The following PDE1B variants were observed in gnomAD, a reference collection of about 807,000 sequenced individuals.
The protein encoded by PDE1B is dual specificity calcium/calmodulin-dependent 3',5'-cyclic nucleotide phosphodiesterase 1B.
Under a neutral mutation model 66.7 loss-of-function variants are expected in PDE1B, and 13 were observed. The observed-to-expected ratio is 0.19, with a 90% confidence interval of 0.13 to 0.31. The LOEUF (loss-of-function observed/expected upper bound fraction) is 0.31. PDE1B is among the 10% of genes least tolerant of loss of function. The probability of loss-of-function intolerance (pLI) is 1.00; values close to 1 mark genes in which losing one functional copy is unlikely to be tolerated. For synonymous variants in PDE1B, 230 were observed against 253.9 expected, an observed-to-expected ratio of 0.91 and a Z score of 0.90; for missense variants, 485 against 682.3, an observed-to-expected ratio of 0.71 and a Z score of 3.22.
chr12:54,570,487 T>C (rs749774243), intron 6 of PDE1B, 130 bp downstream of exon 6: 1 of 682,030 alleles, frequency 1.5e-6, no homozygotes, highest in Non-Finnish European at 2.7e-6. Flanking sequence ...AGTCTCCCCA[T>C]GCCCACGCCC....
intron 6 of PDE1B, chr12:54,571,220 C>T (rs1012487892): frequency 1.3e-5 from 2 of 152,240 alleles, no homozygotes; most frequent in African/African-American, 4.8e-5. Context: ...ATTATCTGTG[C>T]ATGTAAGCCC....
rs1237655079 is a variant in PDE1B at position 54,573,070 on chromosome 12, C to T, written c.736-78C>T. On this transcript the variant is annotated intron_variant, in intron 7 of 15. Coordinates refer to ENST00000243052, the MANE Select transcript of PDE1B (RefSeq NM_000924.4). The surrounding 1 kb of genome is among the most constrained non-coding windows in gnomAD (Gnocchi z 5.2). Reference sequence around the variant, plus strand: ...GCATGGAAGGGATGGGATGAGTGATCTAGCCTGTGTGTGGAGGTTCCTGGG... The same window carrying T: ...GCATGGAAGGGATGGGATGAGTGATTTAGCCTGTGTGTGGAGGTTCCTGGG... 2 of 1,033,254 alleles carry T rather than the reference C, an allele frequency of 1.9e-6. No homozygotes were observed. The highest frequency in any genetic ancestry group is 3.1e-5 in the African/African-American group (2 of 63,890). 64.0% of individuals were successfully genotyped at this position (1,033,254 alleles called of 1,614,324 possible).
intron 2 of PDE1B, among the ~76,000 whole-genome samples, chr12:54,562,791 G>A (rs1957441849): frequency 6.6e-6 from 1 of 152,130 alleles, no homozygotes; most frequent in African/African-American, 2.4e-5. Context: ...TTGAGTCCAG[G>A]TCCTCTTCTT....
Position 54,573,870 on chromosome 12 carries a change from AGTGTGT to A in PDE1B, c.1064+198_1064+203del, listed in dbSNP as rs1555175896. On this transcript the variant is annotated intron_variant, in intron 10 of 15. Transcript: ENST00000243052. This position sits in a 1 kb window ranked among gnomAD's most constrained non-coding sequence, Gnocchi z 5.2. ...GCATCTCTATGTGAGAGAGAGAGAGAGTGTGTGTGTGTGTGTGTGTGTGTGTGTGTG... is the reference window on the plus strand; with the variant it reads ...GCATCTCTATGTGAGAGAGAGAGAGAGTGTGTGTGTGTGTGTGTGTGTGTG... 23,745 of 493,536 alleles carry A rather than the reference AGTGTGT, an allele frequency of 0.048. 213 individuals are homozygous for A. Among genetic ancestry groups the A allele is most frequent in the African/African-American group, 0.06 (2,690 of 44,682 alleles). 30.6% of individuals were successfully genotyped at this position (493,536 alleles called of 1,614,324 possible). A position where few individuals can be genotyped will look rare whatever the true frequency, so the allele number is the denominator to read the frequency against.
chr12:54,573,810 G>T lies in PDE1B; in HGVS notation c.1064+101G>T, dbSNP rs1050919531. On this transcript the variant is annotated intron_variant, in intron 10 of 15. Transcript: ENST00000243052. The surrounding 1 kb of genome is among the most constrained non-coding windows in gnomAD (Gnocchi z 5.2). Reference sequence around the variant, plus strand: ...AGTTGGTGTGCCAGGTCTTTACCTCGCTGTAGAGACTCCACTGGCTTCAGG... The same window carrying T: ...AGTTGGTGTGCCAGGTCTTTACCTCTCTGTAGAGACTCCACTGGCTTCAGG... The T allele has an allele frequency of 1.2e-6, 1 of 807,090 alleles. No individual in the cohort carries two copies. Among genetic ancestry groups the T allele is most frequent in the Admixed American group, 1.8e-5 (1 of 55,942 alleles). 50.0% of individuals were successfully genotyped at this position (807,090 alleles called of 1,614,324 possible).
Position 54,569,476 on chromosome 12 carries a change from C to T in PDE1B, c.411-70C>T, listed in dbSNP as rs1957577836. ...CATATGATCCCATGGCTCATCCCCA[C>T]ATCCCCAGCTGGCCACACCTCCACT... On this transcript the variant is annotated intron_variant, in intron 4 of 15. Transcript: ENST00000243052. This position sits in a 1 kb window ranked among gnomAD's most constrained non-coding sequence, Gnocchi z 4.4. 3.8e-6 allele frequency: 6 copies of T among 1,584,854 alleles called. No individual in the cohort carries two copies. Among genetic ancestry groups the T allele is most frequent in the Non-Finnish European group, 5.2e-6 (6 of 1,154,404 alleles).
intron 15 of PDE1B, 100 bp from the exon 16 acceptor site, chr12:54,577,760 T>G: frequency 2.1e-6 from 1 of 482,822 alleles, no homozygotes; most frequent in African/African-American, 1.9e-5. Flanking sequence ...TTTGCACAGC[T>G]CTACTCGGGA....
chr12:54,562,056 G>A (rs1957426214), intron 2 of PDE1B, among the ~76,000 whole-genome samples: 1 of 152,102 alleles, frequency 6.6e-6, no homozygotes, highest in Admixed American at 6.5e-5. Flanking sequence ...TTCAGAGTTA[G>A]AATCTCCCCA....
In PDE1B at chr12:54,573,950, G is replaced by T; in HGVS notation, c.1064+241G>T. 3.8e-6 allele frequency: 2 copies of T among 531,870 alleles called. No homozygotes were observed. The highest frequency in any genetic ancestry group is 6.7e-6 in the Non-Finnish European group (2 of 297,948). The allele number at this position is 531,870 out of a possible 1,614,324, so 32.9% of individuals were successfully genotyped here. A position where few individuals can be genotyped will look rare whatever the true frequency, so the allele number is the denominator to read the frequency against. On this transcript the variant is annotated intron_variant, in intron 10 of 15. Coordinates refer to ENST00000243052, the MANE Select transcript of PDE1B (RefSeq NM_000924.4). This position sits in a 1 kb window ranked among gnomAD's most constrained non-coding sequence, Gnocchi z 5.2. ...TCACAGCCTTGGCAGCTGATCCACT[G>T]GAGAGTGCTTTGGGCTGGGAATCTA...
chr12:54,556,040 G>C (rs1231894908), intron 2 of PDE1B, among the ~76,000 whole-genome samples: 1 of 152,154 alleles, frequency 6.6e-6, no homozygotes, highest in Admixed American at 6.5e-5. Flanking sequence ...CTTCTGCAAG[G>C]CGTGTCTTTT....
Position 54,575,522 on chromosome 12 carries a change from C to T in PDE1B, c.1186-29C>T, listed in dbSNP as rs1443432435. The T allele has an allele frequency of 6.5e-7, 1 of 1,542,288 alleles. No homozygotes were observed. Among genetic ancestry groups the T allele is most frequent in the Admixed American group, 1.7e-5 (1 of 59,948 alleles). On this transcript the variant is annotated intron_variant, in intron 11 of 15. Transcript: ENST00000243052. The surrounding 1 kb of genome is among the most constrained non-coding windows in gnomAD (Gnocchi z 4.0). The stretch of plus-strand genomic sequence containing the variant: ...TCTGGTAGGTCTGAGGTATCCTCTC[C>T]AGCTTTCCTACCCTGTTCCCTCCTC...
At chr12:54,576,398 T>C in intron 13 of PDE1B, 173 bp from the exon 14 acceptor site, 1 of 682,380 alleles carries the variant, frequency 1.5e-6, no homozygotes. Flanking sequence ...GAGGGAGGGG[T>C]GAAATGAGGG....
At position 54,569,636 on chromosome 12, in the gene PDE1B, G is replaced by A; in HGVS notation, c.477+24G>A. On this transcript the variant is annotated intron_variant, in intron 5 of 15. Transcript: ENST00000243052. This position sits in a 1 kb window ranked among gnomAD's most constrained non-coding sequence, Gnocchi z 4.4. ...AGGTAATCTCTGGGTTTTTGGGAAAGAGGAGAAAGTTAGGGGATGGAATAG... is the reference window on the plus strand; with the variant it reads ...AGGTAATCTCTGGGTTTTTGGGAAAAAGGAGAAAGTTAGGGGATGGAATAG... The A allele has an allele frequency of 6.4e-7, 1 of 1,566,240 alleles. No homozygotes were observed. The highest frequency in any genetic ancestry group is 8.8e-7 in the Non-Finnish European group (1 of 1,136,526).
At chr12:54,550,615 G>GA (rs1388139069) in intron 2 of PDE1B, among the ~76,000 whole-genome samples, 1 of 151,842 alleles carries the variant, frequency 6.6e-6, no homozygotes, top group Non-Finnish European at 1.5e-5. Context: ...TCTGGAGGGG[G>GA]GGTTGGAGCC....
At chr12:54,568,467 TACACACACACACACACACACAC>T (rs56360853) in intron 3 of PDE1B, among the ~76,000 whole-genome samples, 2 of 143,374 alleles carry the variant, frequency 1.4e-5, no homozygotes, top group Admixed American at 6.9e-5. Flanking sequence ...TGTCTAAAAA[TACACACACACACACACACACAC>T]ACACACACAC....
intron 2 of PDE1B, among the ~76,000 whole-genome samples, chr12:54,564,647 A>AC (rs1291489464): frequency 6.6e-6 from 1 of 152,062 alleles, no homozygotes; most frequent in Admixed American, 6.5e-5. Flanking sequence ...AAACAAACAA[A>AC]AAAAAACAAA....
intron 2 of PDE1B, among the ~76,000 whole-genome samples, chr12:54,555,574 G>A (rs971273165): frequency 1.3e-5 from 2 of 152,092 alleles, no homozygotes; most frequent in Non-Finnish European, 2.9e-5. Context: ...TCAAAGGAAT[G>A]GTAGCTTCCC....
rs142799171 is a variant in PDE1B at position 54,569,249 on chromosome 12, G to A, written c.293G>A (p.Arg98Gln). The change falls in exon 4 of 16, where the codon CGG becomes CAG. Residue 98 changes from arginine (R) to glutamine (Q), a missense_variant. Coordinates refer to ENST00000243052, the MANE Select transcript of PDE1B (RefSeq NM_000924.4). The surrounding 1 kb of genome is among the most constrained non-coding windows in gnomAD (Gnocchi z 4.4). ...LRSDAVPSEVRDWLASTFTQQ... is the reference protein window; with the variant it reads ...LRSDAVPSEVQDWLASTFTQQ... ...TCAGATGCCGTGCCTTCGGAGGTGC[G>A]GGACTGGCTGGCCTCCACCTTCACC... 31 of 1,613,812 alleles carry A rather than the reference G, an allele frequency of 1.9e-5. No homozygotes were observed. Among genetic ancestry groups the A allele is most frequent in the Non-Finnish European group, 2.5e-5 (30 of 1,179,888 alleles).
intron 13 of PDE1B, 90 bp downstream of exon 13, chr12:54,576,190 C>A: frequency 1.2e-6 from 1 of 831,678 alleles, no homozygotes; most frequent in Non-Finnish European, 2.1e-6. Flanking sequence ...GACTCACAGC[C>A]ATGGTGGGGT....
Sources: gnomAD v4.1 joint callset for allele counts (sites outside exome capture counted in the v4.1 genomes callset) on GRCh38, gnomAD v4.1.1 for gene constraint, Gnocchi (gnomAD v3.1) non-coding constraint, MANE v1.5 for transcripts, NCBI Gene and HGNC (gene_info 2026-07-23, HGNC 2026-07-21) for gene names.